Variants in TIAM2 observed in about 807,000 individuals in gnomAD.
The protein encoded by TIAM2 is rho guanine nucleotide exchange factor TIAM2.
TIAM2 carries 80 observed loss-of-function variants against 152.9 expected under a neutral mutation model. The ratio of observed to expected loss-of-function variants is 0.52; its 90% CI spans 0.44 to 0.63. TIAM2 has a LOEUF of 0.63. Ranked by LOEUF, TIAM2 falls within the 30% of genes least tolerant of loss-of-function variation. The pLI, the probability that TIAM2 is intolerant of heterozygous loss-of-function variation, is 0.00. For missense variants in TIAM2, 1,965 were observed against 2,120.1 expected (o/e 0.93, Z 1.44); for synonymous variants, 804 against 838.0 (o/e 0.96, Z 0.70).
Position 155,093,353 on chromosome 6 carries a change from C to T in TIAM2, c.-118+2974C>T, listed in dbSNP as rs563394761. ...CTCCAGACCGTAGATGGAAGATGCACGTTGATAGCAAGAGGAAGGTGATTG... is the reference window on the plus strand; with the variant it reads ...CTCCAGACCGTAGATGGAAGATGCATGTTGATAGCAAGAGGAAGGTGATTG... On this transcript the variant is annotated intron_variant, in intron 2 of 26. Transcript: ENST00000682666. 6.2e-3 allele frequency among the ~76,000 whole-genome samples: 942 copies of T among 152,186 alleles called. 11 individuals are homozygous for T. The highest frequency in any genetic ancestry group is 0.021 in the African/African-American group (877 of 41,496).
intron 2 of TIAM2, among the ~76,000 whole-genome samples, chr6:155,114,112 G>A (rs1396526608): frequency 1.3e-4 from 17 of 126,086 alleles, no homozygotes; most frequent in African/African-American, 5.3e-4. Flanking sequence ...GGAGTGCAGT[G>A]GTGCCTTCTC....
intron 1 of TIAM2, among the ~76,000 whole-genome samples, chr6:155,047,702 A>AGGG (rs1562300196): frequency 7.8e-5 from 2 of 25,558 alleles, no homozygotes; most frequent in African/African-American, 1.7e-4. Flanking sequence ...AGAGAGAGAG[A>AGGG]GAGCGAGAGA....
chr6:155,180,516 A>G lies in TIAM2; in HGVS notation c.2707+1060A>G, dbSNP rs1281256641. On this transcript the variant is annotated intron_variant, in intron 12 of 26. Transcript: ENST00000682666. ...TTAAAATGATTCAAACTAATAATAAAGTTTATAATATGTTAAAATGTCCTT... is the reference window on the plus strand; with the variant it reads ...TTAAAATGATTCAAACTAATAATAAGGTTTATAATATGTTAAAATGTCCTT... Among the ~76,000 whole-genome samples the G allele has an allele frequency of 2.0e-5, 3 of 152,154 alleles. No individual in the cohort carries two copies. In the East Asian group the frequency reaches 5.8e-4, roughly 29 times the overall value.
intron 2 of TIAM2, among the ~76,000 whole-genome samples, chr6:155,125,847 A>G (rs1779282530): frequency 6.6e-6 from 1 of 151,942 alleles, no homozygotes; most frequent in Non-Finnish European, 1.5e-5. Flanking sequence ...CCAAAAAAAG[A>G]GAGAAAAAAA....
At position 155,128,708 on chromosome 6, in the gene TIAM2, A is replaced by C. The variant is rs560179272; in HGVS notation, c.-6-510A>C. On this transcript the variant is annotated intron_variant, in intron 3 of 26. Transcript: ENST00000682666. The stretch of plus-strand genomic sequence containing the variant: ...AGACCCCATATCTTTAAAAAAAAAA[A>C]AAAACCCCGAGCTTGAGAGTGGTAG... 2.6e-5 allele frequency among the ~76,000 whole-genome samples: 4 copies of C among 151,838 alleles called. No individual in the cohort carries two copies. The East Asian group carries it at 7.8e-4, about 30-fold the overall frequency.
chr6:155,177,381 G>T (rs532128446), intron 10 of TIAM2, among the ~76,000 whole-genome samples: 1 of 152,128 alleles, frequency 6.6e-6, no homozygotes, highest in Non-Finnish European at 1.5e-5. Flanking sequence ...GATTAAACAC[G>T]AAACTTGATA....
At chr6:155,234,643 G>A (rs982558067) in intron 15 of TIAM2, among the ~76,000 whole-genome samples, 1 of 152,168 alleles carries the variant, frequency 6.6e-6, no homozygotes, top group Admixed American at 6.5e-5. Flanking sequence ...GGGCTCAAGT[G>A]ATCCACCTGC....
At chr6:155,168,436 C>T (rs1214237426) in intron 9 of TIAM2, among the ~76,000 whole-genome samples, 1 of 152,144 alleles carries the variant, frequency 6.6e-6, no homozygotes, top group Admixed American at 6.6e-5. Context: ...CAGCTCACTG[C>T]ACCCTCCGCC....
In TIAM2 at chr6:155,028,724, AAT is replaced by A. The variant is rs1314100331; in HGVS notation, c.-209+33240_-209+33241del. 1.4e-4 allele frequency among the ~76,000 whole-genome samples: 18 copies of A among 129,254 alleles called. 1 individual carries two copies. Among genetic ancestry groups the A allele is most frequent in the Non-Finnish European group, 2.2e-4 (14 of 64,810 alleles). The allele number at this position is 129,254 out of a possible 152,430, so 84.8% of individuals were successfully genotyped here. The stretch of plus-strand genomic sequence containing the variant: ...ACTGTGTTATATATATACTACATAT[AAT>A]ATATATACTGTGTTATATACTACAT... On this transcript the variant is annotated intron_variant, in intron 1 of 26. Transcript: ENST00000682666.
chr6:155,243,957 A>C (rs1157291707), intron 16 of TIAM2, 54 bp from the exon 17 acceptor site: 1 of 1,488,272 alleles, frequency 6.7e-7, no homozygotes, highest in African/African-American at 1.4e-5. Flanking sequence ...CCCAAATCTC[A>C]TGGGTATTTT....
intron 10 of TIAM2, 107 bp downstream of exon 10, chr6:155,177,084 C>A: frequency 9.2e-7 from 1 of 1,087,220 alleles, no homozygotes; most frequent in Non-Finnish European, 1.3e-6. Flanking sequence ...AGTTTCCATG[C>A]CAGGGAACAT....
intron 21 of TIAM2, 80 bp downstream of exon 21, chr6:155,250,049 G>A: frequency 9.9e-7 from 1 of 1,009,652 alleles, no homozygotes; most frequent in South Asian, 1.6e-5. Flanking sequence ...AGGCTGCCCT[G>A]TTAGGACTTT....
intron 1 of TIAM2, among the ~76,000 whole-genome samples, chr6:155,028,605 T>TTATATATACTACATATATATATACTGTTA (rs1776693939): frequency 1.9e-5 from 2 of 105,546 alleles, no homozygotes; most frequent in East Asian, 2.9e-4. Context: ...ATATACTGTG[T>TTATATATACTACATATATATATACTGTTA]TATATATACT....
At chr6:155,210,839 C>G (rs1781701848) in intron 14 of TIAM2, among the ~76,000 whole-genome samples, 1 of 152,154 alleles carries the variant, frequency 6.6e-6, no homozygotes, top group African/African-American at 2.4e-5. Context: ...TAGCCAAAAA[C>G]AGGGAAATAC....
intron 1 of TIAM2, among the ~76,000 whole-genome samples, chr6:155,008,932 A>G (rs1778441731): frequency 6.6e-6 from 1 of 151,856 alleles, no homozygotes; most frequent in Non-Finnish European, 1.5e-5. Flanking sequence ...ACTGCCTTGG[A>G]GTTGTAGGAT....
chr6:155,137,436 C>T lies in TIAM2; in HGVS notation c.1454C>T (p.Ser485Phe), dbSNP rs1156824207. ...NIETSTETAE[S>F]SSESLSSLEQ... ...GAAACATCTACAGAAACCGCCGAGT[C>T]CAGCAGCGAGTCACTCAGCTCTCTG... is the stretch of plus-strand genomic sequence containing the variant. The change falls in exon 5 of 27, where the codon TCC (serine) becomes TTC (phenylalanine). Residue 485 changes from serine (S) to phenylalanine (F), a missense_variant. By Grantham distance (155) the Ser-to-Phe change is radical. This residue lies in a region of TIAM2 where 1,025 missense variants were observed against 1,119.4 expected (regional missense o/e 0.92). Transcript: ENST00000682666. 1.2e-6 allele frequency: 2 copies of T among 1,614,250 alleles called. No homozygotes were observed. Among genetic ancestry groups the T allele is most frequent in the Admixed American group, 3.3e-5 (2 of 60,028 alleles).
At chr6:155,242,732 AATT>A (rs966035714) in intron 16 of TIAM2, among the ~76,000 whole-genome samples, 48 of 151,942 alleles carry the variant, frequency 3.2e-4, no homozygotes, top group African/African-American at 1.0e-3. Flanking sequence ...CTTGCCTTCA[AATT>A]ATTATTATTA....
At position 155,182,318 on chromosome 6, in the gene TIAM2, G is replaced by T. The variant is rs1442840664; in HGVS notation, c.2800G>T (p.Gly934Trp). 6.2e-7 allele frequency: 1 copy of T among 1,613,600 alleles called. No homozygotes were observed. Among genetic ancestry groups the T allele is most frequent in the Non-Finnish European group, 8.5e-7 (1 of 1,179,638 alleles). Residue 934 changes from glycine (G) to tryptophan (W), a missense_variant and splice_region_variant, in exon 13 of 27, where the codon GGG (glycine) becomes TGG (tryptophan). Around this residue, in one of 3 missense-constraint regions of TIAM2, gnomAD observed 935 missense variants for 980.0 expected, o/e 0.95. Transcript: ENST00000682666. ...TCCCGATGGCCTGGCGTATGGGGAA[G>T]GTCCGTGTGGCACACCGTGCCCCTG... ...VLPDGLAYGE[G>W]LRKGNEIMTL... is the part of the protein sequence containing the mutation.
At chr6:155,184,476 G>C (rs992174338) in intron 14 of TIAM2, among the ~76,000 whole-genome samples, 3 of 152,094 alleles carry the variant, frequency 2.0e-5, no homozygotes, top group African/African-American at 7.3e-5. Flanking sequence ...TAAATTAGGG[G>C]CTCGGCTAGT....
Sources: gnomAD v4.1 joint callset for allele counts (sites outside exome capture counted in the v4.1 genomes callset) on GRCh38, gnomAD v4.1.1 for gene constraint, gnomAD v4.1.1 regional missense constraint, MANE v1.5 for transcripts, NCBI Gene and HGNC (gene_info 2026-07-23, HGNC 2026-07-21) for gene names.